SKP1: variants seen among roughly 807,000 people sequenced by gnomAD.
The protein encoded by SKP1 is S-phase kinase associated protein 1, also known as S-phase kinase-associated protein 1.
SKP1 carries 1 observed loss-of-function variant against 21.5 expected under a neutral mutation model. The observed-to-expected ratio is 0.05, with a 90% CI of 0.02 to 0.22. The LOEUF (loss-of-function observed/expected upper bound fraction) is 0.22, where lower values mean the gene tolerates loss of function less well. SKP1 is among the 10% of genes least tolerant of loss of function. The pLI is 1.00. For missense variants in SKP1, 70 were observed against 192.0 expected, an observed-to-expected ratio of 0.36 and a Z score of 3.76; for synonymous variants, 59 against 59.3, an observed-to-expected ratio of 0.99 and a Z score of 0.03.
intron 2 of SKP1, among the ~76,000 whole-genome samples, chr5:134,171,389 C>G (rs1284860616): frequency 6.6e-6 from 1 of 152,176 alleles, no homozygotes; most frequent in Non-Finnish European, 1.5e-5. Context: ...TTCTCTACTA[C>G]TGATTTCTAT....
chr5:134,168,822 T>A (rs570489262), intron 2 of SKP1, among the ~76,000 whole-genome samples: 84 of 152,128 alleles, frequency 5.5e-4, no homozygotes, highest in African/African-American at 2.0e-3. Context: ...AGAGGAACTA[T>A]TTTTAGGAAG....
At chr5:134,166,659 G>T (rs1761339170) in intron 3 of SKP1, among the ~76,000 whole-genome samples, 1 of 148,096 alleles carries the variant, frequency 6.8e-6, no homozygotes, top group Non-Finnish European at 1.5e-5. Context: ...ACAAAATACT[G>T]AAAGGATAAA....
At position 134,156,482 on chromosome 5, in the gene SKP1, T is replaced by C. The variant is rs1207599310; in HGVS notation, c.*1251A>G. On this transcript the variant is annotated 3_prime_UTR_variant, in exon 6 of 6. Coordinates refer to ENST00000353411, the MANE Select transcript of SKP1 (RefSeq NM_170679.3). ...AAGGCAAACTACTGTCAAGGGATGA[T>C]CTGAGCCTGAACAACTCAGTGAATG... 1 of 152,052 alleles carries C rather than the reference T, an allele frequency of 6.6e-6. No homozygotes were observed. The highest frequency in any genetic ancestry group is 1.9e-4 in the East Asian group (1 of 5,182). 9.4% of individuals were successfully genotyped at this position (152,052 alleles called of 1,614,324 possible). A position where few individuals can be genotyped will look rare whatever the true frequency, so the allele number is the denominator to read the frequency against.
At chr5:134,172,465 T>C (rs1195120905) in intron 2 of SKP1, among the ~76,000 whole-genome samples, 2 of 152,068 alleles carry the variant, frequency 1.3e-5, no homozygotes, top group Non-Finnish European at 2.9e-5. Context: ...CCACATTAAC[T>C]AGCGAAAGTT....
intron 2 of SKP1, among the ~76,000 whole-genome samples, chr5:134,168,959 T>C (rs989973001): frequency 1.3e-5 from 2 of 151,872 alleles, no homozygotes; most frequent in African/African-American, 2.4e-5. Flanking sequence ...GGTGTATAGA[T>C]GGTTTATAAT....
chr5:134,172,988 G>A (rs1362738117), intron 2 of SKP1, among the ~76,000 whole-genome samples: 1 of 148,790 alleles, frequency 6.7e-6, no homozygotes, highest in East Asian at 2.0e-4. Context: ...ACACCAGCCT[G>A]GGCAACAGAG....
intron 1 of SKP1, among the ~76,000 whole-genome samples, chr5:134,176,063 G>T (rs913131158): frequency 6.6e-6 from 1 of 152,192 alleles, no homozygotes; most frequent in Non-Finnish European, 1.5e-5. Context: ...AAAAATGCAT[G>T]TCCCTAAAAC....
At chr5:134,166,403 A>G (rs1175290054) in intron 3 of SKP1, among the ~76,000 whole-genome samples, 1 of 151,756 alleles carries the variant, frequency 6.6e-6, no homozygotes, top group Non-Finnish European at 1.5e-5. Flanking sequence ...CAACATGGTG[A>G]AACCCTGTCT....
At position 134,150,975 on chromosome 5, in the gene SKP1, T is replaced by C. The variant is rs1480662110; in HGVS notation, c.*6758A>G. On this transcript the variant is annotated 3_prime_UTR_variant, in exon 6 of 6. Transcript: ENST00000353411. The stretch of plus-strand genomic sequence containing the variant: ...GGAAGGATTTTCAAGCTCTTAAAGA[T>C]AGCATGGGATTAGGCATGTTAACTG... 1 of 152,236 alleles carries C rather than the reference T, an allele frequency of 6.6e-6. No individual in the cohort carries two copies. Among genetic ancestry groups the C allele is most frequent in the African/African-American group, 2.4e-5 (1 of 41,452 alleles). The allele number at this position is 152,236 out of a possible 1,614,324, so 9.4% of individuals were successfully genotyped here.
rs1761012252 is a variant in SKP1, at chr5:134,149,684, C to CG, written c.*8048_*8049insC. ...ATTTTAAAGAATTCTGTTCTGGCTA[C>CG]TGGCCTAGTTGTTTAAAAAACCTAC... On this transcript the variant is annotated 3_prime_UTR_variant, in exon 6 of 6. Transcript: ENST00000353411. 2 of 152,222 alleles carry CG rather than the reference C, an allele frequency of 1.3e-5. No individual in the cohort carries two copies. The highest frequency in any genetic ancestry group is 2.9e-5 in the Non-Finnish European group (2 of 68,046). 9.4% of individuals were successfully genotyped at this position (152,222 alleles called of 1,614,324 possible). A position where few individuals can be genotyped will look rare whatever the true frequency, so the allele number is the denominator to read the frequency against.
intron 3 of SKP1, chr5:134,161,407 G>A: frequency 3.6e-6 from 1 of 278,886 alleles, no homozygotes; most frequent in African/African-American, 2.2e-5. Context: ...GACAATGACT[G>A]GAAGATACCT....
chr5:134,172,399 T>C (rs554941544), intron 2 of SKP1, among the ~76,000 whole-genome samples: 2 of 152,336 alleles, frequency 1.3e-5, no homozygotes, highest in African/African-American at 4.8e-5. Context: ...CTAAGTTTTT[T>C]TCATCAATTC....
chr5:134,167,421 A>T (rs1420997945), intron 2 of SKP1, among the ~76,000 whole-genome samples, 178 bp from the exon 3 acceptor site: 1 of 152,242 alleles, frequency 6.6e-6, no homozygotes, highest in East Asian at 1.9e-4. Context: ...GTCTTGCACT[A>T]AACATGTAGA....
intron 2 of SKP1, among the ~76,000 whole-genome samples, chr5:134,170,739 C>T (rs546955841): frequency 3.3e-5 from 5 of 152,306 alleles, no homozygotes; most frequent in Admixed American, 2.0e-4. Context: ...ACTGCCTATC[C>T]GTCCACTTAC....
intron 2 of SKP1, among the ~76,000 whole-genome samples, chr5:134,171,763 G>T (rs760660186): frequency 6.6e-6 from 1 of 152,132 alleles, no homozygotes; most frequent in Admixed American, 6.5e-5. Flanking sequence ...ATATCACCTC[G>T]GCTGGGCTTA....
In SKP1 at chr5:134,151,590, T is replaced by C. The variant is rs1049568596; in HGVS notation, c.*6143A>G. 2.2e-6 allele frequency: 1 copy of C among 447,138 alleles called. No homozygotes were observed. Among genetic ancestry groups the C allele is most frequent in the African/African-American group, 2.0e-5 (1 of 49,840 alleles). 27.7% of individuals were successfully genotyped at this position (447,138 alleles called of 1,614,324 possible). ...CTCAGTGTGCAATAAGAGGCTGCTATATAGCAGGTTGAAAATTTGAAGTTA... is the reference window on the plus strand; with the variant it reads ...CTCAGTGTGCAATAAGAGGCTGCTACATAGCAGGTTGAAAATTTGAAGTTA... On this transcript the variant is annotated 3_prime_UTR_variant, in exon 6 of 6. Coordinates refer to ENST00000353411, the MANE Select transcript of SKP1 (RefSeq NM_170679.3).
chr5:134,173,755 A>G (rs957740527), intron 2 of SKP1, 171 bp downstream of exon 2: 24 of 692,660 alleles, frequency 3.5e-5, no homozygotes, highest in Non-Finnish European at 5.7e-5. Context: ...CAGACAATGC[A>G]GAAAGGATGA....
chr5:134,172,217 C>G (rs999578345), intron 2 of SKP1, among the ~76,000 whole-genome samples: 13 of 152,360 alleles, frequency 8.5e-5, no homozygotes, highest in African/African-American at 3.1e-4. Flanking sequence ...TCTGACTTCC[C>G]TCCTAGTTTA....
At chr5:134,168,497 A>G (rs796397236) in intron 2 of SKP1, among the ~76,000 whole-genome samples, 9 of 152,366 alleles carry the variant, frequency 5.9e-5, no homozygotes, top group African/African-American at 2.2e-4. Context: ...TATCCGAATA[A>G]AAACAGAAAT....
Sources: gnomAD v4.1 joint callset for allele counts (sites outside exome capture counted in the v4.1 genomes callset) on GRCh38, gnomAD v4.1.1 for gene constraint, MANE v1.5 for transcripts, NCBI Gene and HGNC (gene_info 2026-07-23, HGNC 2026-07-21) for gene names.